Variants in PDE1A observed in about 807,000 individuals in gnomAD.
The protein encoded by PDE1A is phosphodiesterase 1A, also known as dual specificity calcium/calmodulin-dependent 3',5'-cyclic nucleotide phosphodiesterase 1A.
PDE1A carries 35 observed loss-of-function variants against 61.7 expected under a neutral mutation model. That is an observed-to-expected ratio of 0.57 (90% CI 0.43 to 0.75). The LOEUF is 0.75. Ranked by LOEUF, PDE1A falls within the 30% of genes least tolerant of loss-of-function variation. PDE1A has a pLI of 0.00. For missense variants in PDE1A, 597 were observed against 630.6 expected (o/e 0.95, Z 0.57); for synonymous variants, 232 against 213.2 (o/e 1.09, Z -0.77).
At chr2:182,678,822 G>C in the PDE1A span, among the ~76,000 whole-genome samples, 1 of 151,976 alleles carries the variant, frequency 6.6e-6, no homozygotes, top group African/African-American at 2.4e-5. Context: ...GGAATGGAGA[G>C]GGTTGGTCAA....
At chr2:182,231,065 A>T in exon 5 of PDE1A, 1 of 1,609,368 alleles carries the variant, frequency 6.2e-7, no homozygotes, top group Admixed American at 1.7e-5. Context: ...TAAATCATAA[A>T]CTTCAGACTA....
chr2:182,370,281 A>C (rs1700059479), intron 1 of PDE1A, among the ~76,000 whole-genome samples: 1 of 152,226 alleles, frequency 6.6e-6, no homozygotes, highest in Non-Finnish European at 1.5e-5. Context: ...AATTAGTTAA[A>C]CTTTGACATG....
chr2:182,513,520 A>C (rs551450225), intron 2 of PDE1A, among the ~76,000 whole-genome samples: 1 of 152,360 alleles, frequency 6.6e-6, no homozygotes, highest in East Asian at 1.9e-4. Flanking sequence ...GACCATTGAC[A>C]CTATAAAGCT....
At chr2:182,697,768 C>T in the PDE1A span, among the ~76,000 whole-genome samples, 11 of 152,168 alleles carry the variant, frequency 7.2e-5, no homozygotes, top group South Asian at 2.1e-4. Context: ...GGAATTAGGA[C>T]GCATTTCACA....
the PDE1A span, among the ~76,000 whole-genome samples, chr2:182,566,144 G>A: frequency 6.6e-6 from 1 of 151,902 alleles, no homozygotes; most frequent in Non-Finnish European, 1.5e-5. Context: ...TTTTCACATA[G>A]GCCATTAATT....
At chr2:182,240,967 C>T (rs531504923) in intron 2 of PDE1A, among the ~76,000 whole-genome samples, 137 of 152,226 alleles carry the variant, frequency 9.0e-4, no homozygotes, top group African/African-American at 3.2e-3. Flanking sequence ...CGGGGTGGAG[C>T]TCTCATGGGT....
the PDE1A span, among the ~76,000 whole-genome samples, chr2:182,530,964 A>T: frequency 2.0e-5 from 3 of 152,124 alleles, no homozygotes; most frequent in African/African-American, 4.8e-5. Context: ...TATACAGTGG[A>T]ATATATAAAA....
rs1690219831 is a variant in PDE1A at position 182,516,831 on chromosome 2, A to AGGG, written c.101+5444_101+5445insCCC. On this transcript the variant is annotated intron_variant, in intron 2 of 14. Coordinates refer to the PDE1A transcript ENST00000410103. ...AGGAAGGAAAGGAAGGGAAGGAAGG[A>AGGG]AGGGAGGGAGGGAGGGAGGGAGGGA... Among the ~76,000 whole-genome samples the AGGG allele has an allele frequency of 3.7e-3, 388 of 105,652 alleles. 1 individual carries two copies. Among genetic ancestry groups the AGGG allele is most frequent in the African/African-American group, 0.015 (353 of 23,268 alleles). 69.3% of individuals were successfully genotyped at this position (105,652 alleles called of 152,430 possible).
chr2:182,276,818 T>G (rs1387934596), intron 1 of PDE1A, among the ~76,000 whole-genome samples: 1 of 151,988 alleles, frequency 6.6e-6, no homozygotes, highest in Non-Finnish European at 1.5e-5. Context: ...AGGAATGCAT[T>G]CGTTGGGGGA....
chr2:182,658,725 C>G, the PDE1A span, among the ~76,000 whole-genome samples: 1 of 152,174 alleles, frequency 6.6e-6, no homozygotes, highest in South Asian at 2.1e-4. Context: ...CTGAATATAG[C>G]AATCATGTAC....
At chr2:182,328,891 T>C (rs1224104355) in intron 1 of PDE1A, among the ~76,000 whole-genome samples, 1 of 152,170 alleles carries the variant, frequency 6.6e-6, no homozygotes, top group Non-Finnish European at 1.5e-5. Context: ...TCATCCTCCA[T>C]AGCAAGAGCT....
chr2:182,496,604 G>C (rs1426224482), intron 2 of PDE1A, among the ~76,000 whole-genome samples: 3 of 152,218 alleles, frequency 2.0e-5, no homozygotes, highest in Non-Finnish European at 2.9e-5. Context: ...ATTGAAAGGG[G>C]CCTGAAAGCA....
chr2:182,203,460 G>A (rs1686843252), intron 8 of PDE1A, among the ~76,000 whole-genome samples: 1 of 152,144 alleles, frequency 6.6e-6, no homozygotes, highest in Admixed American at 6.5e-5. Flanking sequence ...TAAGGGAAAG[G>A]AAGCTATTAA....
chr2:182,652,023 T>C, the PDE1A span, among the ~76,000 whole-genome samples: 2 of 152,328 alleles, frequency 1.3e-5, no homozygotes, highest in African/African-American at 4.8e-5. Context: ...TTATGTATTT[T>C]TAATGTATCA....
chr2:182,278,994 T>C (rs1290175261), intron 1 of PDE1A, among the ~76,000 whole-genome samples: 3 of 152,004 alleles, frequency 2.0e-5, no homozygotes, highest in South Asian at 2.1e-4. Flanking sequence ...ATACCTTACA[T>C]TGGTAAATGA....
chr2:182,668,550 G>C, the PDE1A span, among the ~76,000 whole-genome samples: 1 of 152,118 alleles, frequency 6.6e-6, no homozygotes, highest in African/African-American at 2.4e-5. Context: ...GAGATGTCAG[G>C]TTTGAGCCCA....
chr2:182,397,471 T>G (rs1173567931), intron 1 of PDE1A, among the ~76,000 whole-genome samples: 1 of 152,158 alleles, frequency 6.6e-6, no homozygotes, highest in Non-Finnish European at 1.5e-5. Flanking sequence ...AAAAATGGTA[T>G]TTTTCAATTA....
At position 182,231,006 on chromosome 2, in the gene PDE1A, G is replaced by GT. The variant is rs1467308293; in HGVS notation, c.534+8dup. On this transcript the variant is annotated intron_variant, in intron 5 of 13. Coordinates refer to ENST00000351439, the Ensembl canonical transcript of PDE1A. ...TAAGAGCATTTCACTTTTGTTCCAT[G>GT]TTTCTGACCTTGAAACGGTTGATAA... The GT allele has an allele frequency of 7.4e-7, 1 of 1,342,910 alleles. No homozygotes were observed. The highest frequency in any genetic ancestry group is 1.9e-5 in the Admixed American group (1 of 51,722). 83.2% of individuals were successfully genotyped at this position (1,342,910 alleles called of 1,614,324 possible). A position where few individuals can be genotyped will look rare whatever the true frequency, so the allele number is the denominator to read the frequency against.
chr2:182,328,082 C>T (rs1486139684), intron 1 of PDE1A, among the ~76,000 whole-genome samples: 1 of 152,174 alleles, frequency 6.6e-6, no homozygotes, highest in Non-Finnish European at 1.5e-5. Flanking sequence ...AAGTTCTCTT[C>T]TGATTGCTTT....
Sources: allele counts gnomAD v4.1 joint callset (sites outside exome capture counted in the v4.1 genomes callset), GRCh38; gene constraint gnomAD v4.1.1; transcripts MANE v1.5; gene names NCBI Gene and HGNC (gene_info 2026-07-23, HGNC 2026-07-21).